USH2A: variants seen among roughly 807,000 people sequenced by gnomAD.
The protein encoded by USH2A is usherin, also known as Usher syndrome 2A (autosomal recessive, mild).
Under a neutral mutation model 538.9 loss-of-function variants are expected in USH2A, and 443 were observed. The observed-to-expected ratio is 0.82, with a 90% CI of 0.76 to 0.89. The LOEUF is 0.89. Among genes scored for constraint, USH2A ranks in the 40% least tolerant of loss-of-function variants. The pLI is 0.00. For synonymous variants in USH2A, 2,413 were observed against 2,273.5 expected (o/e 1.06, Z -1.75); for missense variants, 6,633 against 6,324.8 (o/e 1.05, Z -1.65).
At chr1:216,283,424 C>A (rs1448172843) in intron 11 of USH2A, among the ~76,000 whole-genome samples, 1 of 152,136 alleles carries the variant, frequency 6.6e-6, no homozygotes, top group African/African-American at 2.4e-5. Context: ...TGAATTAATT[C>A]CTTAGGATTT....
chr1:216,275,966 C>T (rs914195966), intron 11 of USH2A, among the ~76,000 whole-genome samples: 2 of 152,118 alleles, frequency 1.3e-5, no homozygotes, highest in African/African-American at 2.4e-5. Flanking sequence ...TAGGTTTCCT[C>T]TTAAGTGCTG....
intron 29 of USH2A, 52 bp downstream of exon 29, chr1:216,072,837 A>G (rs1169197096): frequency 6.7e-6 from 10 of 1,503,648 alleles, no homozygotes; most frequent in African/African-American, 4.1e-5. Flanking sequence ...ATAAATGCAC[A>G]AATACATGCA....
At chr1:216,022,913 T>C (rs1245163128) in intron 32 of USH2A, among the ~76,000 whole-genome samples, 1 of 152,090 alleles carries the variant, frequency 6.6e-6, no homozygotes, top group African/African-American at 2.4e-5. Flanking sequence ...TAGATGATGG[T>C]GTTTATCCAG....
chr1:216,364,523 G>A (rs1354407035), intron 4 of USH2A, among the ~76,000 whole-genome samples: 4 of 152,134 alleles, frequency 2.6e-5, no homozygotes, highest in African/African-American at 7.2e-5. Flanking sequence ...GGAACTCAGG[G>A]TGAGATCCTC....
chr1:216,058,381 A>G (rs1206271635), intron 30 of USH2A, among the ~76,000 whole-genome samples: 1 of 149,326 alleles, frequency 6.7e-6, no homozygotes, highest in African/African-American at 2.5e-5. Flanking sequence ...TGCTTGGGCT[A>G]TATTTTAGTG....
intron 10 of USH2A, among the ~76,000 whole-genome samples, chr1:216,291,305 T>A (rs1370724551): frequency 6.6e-6 from 1 of 152,166 alleles, no homozygotes; most frequent in Non-Finnish European, 1.5e-5. Flanking sequence ...CACAAAATGT[T>A]TCCCTAATTG....
intron 58 of USH2A, among the ~76,000 whole-genome samples, chr1:215,747,569 C>T (rs1018290244): frequency 1.3e-5 from 2 of 152,212 alleles, no homozygotes; most frequent in African/African-American, 2.4e-5. Context: ...AAGTACTGTG[C>T]CAGAGGTAAA....
chr1:215,953,469 T>A (rs1666981766), intron 37 of USH2A, among the ~76,000 whole-genome samples: 1 of 152,152 alleles, frequency 6.6e-6, no homozygotes, highest in Non-Finnish European at 1.5e-5. Context: ...GGGGAAAGGA[T>A]TCCCTATTTA....
At chr1:215,763,767 G>A (rs937833968) in intron 56 of USH2A, among the ~76,000 whole-genome samples, 2 of 152,090 alleles carry the variant, frequency 1.3e-5, no homozygotes, top group African/African-American at 2.4e-5. Flanking sequence ...TAGAGGAAGG[G>A]ATCCTAGTTA....
intron 35 of USH2A, among the ~76,000 whole-genome samples, chr1:215,973,604 T>C (rs1311690338): frequency 3.9e-5 from 6 of 151,940 alleles, no homozygotes; most frequent in African/African-American, 1.4e-4. Flanking sequence ...TTTGAGTTCT[T>C]CTACATCCTC....
chr1:215,789,116 C>G (rs776329657), intron 51 of USH2A, among the ~76,000 whole-genome samples: 2 of 152,128 alleles, frequency 1.3e-5, no homozygotes, highest in African/African-American at 4.8e-5. Context: ...AAAATGAAAC[C>G]TACAGACTGA....
intron 61 of USH2A, 82 bp downstream of exon 61, chr1:215,727,948 A>G: frequency 6.7e-7 from 1 of 1,500,944 alleles, no homozygotes; most frequent in South Asian, 1.1e-5. Context: ...AGTGAAGAAA[A>G]ATGAGAAGTT....
chr1:216,115,322 T>G (rs532698284), intron 21 of USH2A, among the ~76,000 whole-genome samples: 33 of 152,214 alleles, frequency 2.2e-4, no homozygotes. Flanking sequence ...TTAAAAGACT[T>G]TTTTGTAGAA....
In USH2A at chr1:215,636,587, G is replaced by A. The variant is rs114856422; in HGVS notation, c.15053-1884C>T. ...ACAGAGAGAAAACAACTTGTTGGCT[G>A]TAACTCCAGAAACTGATCTGATGGG... On this transcript the variant is annotated intron_variant, in intron 69 of 71. Transcript: ENST00000307340. Among the ~76,000 whole-genome samples the A allele has an allele frequency of 2.0e-3, 305 of 152,278 alleles. 1 individual carries two copies. Among genetic ancestry groups the A allele is most frequent in the African/African-American group, 7.0e-3 (291 of 41,578 alleles).
intron 38 of USH2A, among the ~76,000 whole-genome samples, chr1:215,901,971 G>C (rs941509864): frequency 6.6e-6 from 1 of 152,060 alleles, no homozygotes; most frequent in African/African-American, 2.4e-5. Flanking sequence ...GTGAAGTTCA[G>C]AGATCATATA....
rs762278625 is a variant in USH2A, at chr1:216,292,215, C to G, written c.1800G>C (p.Gly600=). The G allele has an allele frequency of 3.7e-6, 6 of 1,613,990 alleles. No individual in the cohort carries two copies. Among genetic ancestry groups the G allele is most frequent in the Non-Finnish European group, 5.1e-6 (6 of 1,179,986 alleles). ...VDPFPFEHFR[G]GGGVCDDCEH... is the part of the protein sequence containing the mutation. The stretch of plus-strand genomic sequence containing the variant: ...CACAATCATCACAAACTCCTCCTCC[C>G]CCTCTGAAGTGCTCAAAAGGAAATG... The change falls in exon 10 of 72, where the codon GGG becomes GGC. Residue 600 remains glycine (G), a synonymous_variant. Coordinates refer to ENST00000307340, the MANE Select transcript of USH2A (RefSeq NM_206933.4).
chr1:215,825,876 C>A (rs905961509), intron 47 of USH2A, among the ~76,000 whole-genome samples: 31 of 152,120 alleles, frequency 2.0e-4, no homozygotes, highest in African/African-American at 6.8e-4. Flanking sequence ...GGTAAAAAGT[C>A]AAAATGCAAA....
intron 30 of USH2A, among the ~76,000 whole-genome samples, chr1:216,058,070 G>C (rs1168833358): frequency 6.6e-6 from 1 of 152,122 alleles, no homozygotes; most frequent in African/African-American, 2.4e-5. Context: ...TCTTCCTGTT[G>C]GGTGAAAATC....
At chr1:216,335,016 T>G (rs768957096) in intron 4 of USH2A, among the ~76,000 whole-genome samples, 13 of 151,712 alleles carry the variant, frequency 8.6e-5, no homozygotes, top group Non-Finnish European at 1.6e-4. Context: ...CTCAAGTGCA[T>G]ATGGTACATT....
Sources: gnomAD v4.1 joint callset for allele counts (sites outside exome capture counted in the v4.1 genomes callset) on GRCh38, gnomAD v4.1.1 for gene constraint, MANE v1.5 for transcripts, NCBI Gene and HGNC (gene_info 2026-07-23, HGNC 2026-07-21) for gene names.